The following ADK variants were observed in gnomAD, a reference collection of about 807,000 sequenced individuals.
The protein encoded by ADK is N6,N6-dimethyladenosine kinase.
A neutral mutation model predicts 44.7 loss-of-function variants in ADK; 24 were observed. That is an observed-to-expected ratio of 0.54 (90% CI 0.39 to 0.76). ADK has a LOEUF of 0.76. ADK is among the 30% of genes least tolerant of loss of function. The pLI, the probability that ADK is intolerant of heterozygous loss-of-function variation, is 0.00. For synonymous variants in ADK, 128 were observed against 142.6 expected, an observed-to-expected ratio of 0.90 and a Z score of 0.73; for missense variants, 321 against 425.1, an observed-to-expected ratio of 0.76 and a Z score of 2.15.
intron 1 of ADK, among the ~76,000 whole-genome samples, chr10:74,156,517 A>G (rs1841753740): frequency 6.6e-6 from 1 of 152,196 alleles, no homozygotes; most frequent in Admixed American, 6.5e-5. Flanking sequence ...CTGGAAGCTG[A>G]GGCACTGGCA....
At chr10:74,446,926 T>C (rs1425607154) in intron 6 of ADK, among the ~76,000 whole-genome samples, 1 of 152,174 alleles carries the variant, frequency 6.6e-6, no homozygotes, top group Admixed American at 6.6e-5. Flanking sequence ...GTTTTTATAA[T>C]GCTTTACCCA....
chr10:74,512,270 C>T (rs1848362357), intron 6 of ADK, among the ~76,000 whole-genome samples: 1 of 151,740 alleles, frequency 6.6e-6, no homozygotes, highest in Non-Finnish European at 1.5e-5. Context: ...TTTGTTTTGT[C>T]CTTATCTGTT....
intron 1 of ADK, among the ~76,000 whole-genome samples, chr10:74,190,366 G>C (rs1477052035): frequency 6.6e-6 from 1 of 152,212 alleles, no homozygotes; most frequent in Non-Finnish European, 1.5e-5. Context: ...TTCATGCTCA[G>C]TCAGTGGTGA....
chr10:74,478,399 A>T (rs183162463), intron 6 of ADK, among the ~76,000 whole-genome samples: 98 of 152,144 alleles, frequency 6.4e-4, no homozygotes, highest in East Asian at 2.5e-3. Flanking sequence ...TTTAAAAAAA[A>T]TTTTCATAGA....
intron 4 of ADK, among the ~76,000 whole-genome samples, chr10:74,380,189 T>C (rs575041415): frequency 6.6e-6 from 1 of 152,286 alleles, no homozygotes; most frequent in Admixed American, 6.5e-5. Context: ...TCCATGAAAA[T>C]AAGGACCAGC....
At chr10:74,301,970 G>T (rs1840047178) in intron 3 of ADK, among the ~76,000 whole-genome samples, 1 of 151,974 alleles carries the variant, frequency 6.6e-6, no homozygotes, top group Admixed American at 6.5e-5. Flanking sequence ...TATCAGCAGA[G>T]TGTGTCCTGT....
chr10:74,399,532 T>C (rs1194027190), intron 6 of ADK, among the ~76,000 whole-genome samples: 1 of 151,992 alleles, frequency 6.6e-6, no homozygotes, highest in Non-Finnish European at 1.5e-5. Flanking sequence ...AATGCTTACA[T>C]TGAGAAGATT....
intron 10 of ADK, among the ~76,000 whole-genome samples, chr10:74,693,826 A>G (rs1856074505): frequency 6.6e-6 from 1 of 152,186 alleles, no homozygotes; most frequent in Admixed American, 6.5e-5. Context: ...AAGAGTGACC[A>G]ATTTTATTCT....
chr10:74,537,149 C>T (rs1029400201), intron 7 of ADK, among the ~76,000 whole-genome samples: 3 of 152,156 alleles, frequency 2.0e-5, no homozygotes, highest in Admixed American at 6.5e-5. Flanking sequence ...CTGCTGGGCA[C>T]GAGGTGGCAT....
intron 6 of ADK, among the ~76,000 whole-genome samples, chr10:74,434,618 T>G (rs1845119558): frequency 6.6e-6 from 1 of 152,172 alleles, no homozygotes; most frequent in Non-Finnish European, 1.5e-5. Flanking sequence ...ACTTTTCTTA[T>G]AAAGGTTAAA....
chr10:74,208,413 C>A (rs945458460), intron 2 of ADK, among the ~76,000 whole-genome samples: 4 of 152,262 alleles, frequency 2.6e-5, no homozygotes, highest in Non-Finnish European at 5.9e-5. Flanking sequence ...ATCAATGACG[C>A]TGCTGGGAGC....
intron 1 of ADK, chr10:74,174,641 T>A (rs12415743): frequency 0.51 from 76,892 of 151,704 alleles, 20,454 homozygotes; most frequent in Non-Finnish European, 0.59. Context: ...AGCCAGTGTC[T>A]CCACCACTGT....
intron 6 of ADK, among the ~76,000 whole-genome samples, chr10:74,488,954 T>C (rs1424769503): frequency 1.3e-5 from 2 of 151,912 alleles, no homozygotes; most frequent in Admixed American, 1.3e-4. Flanking sequence ...AACAGGATAA[T>C]AATAATACAT....
chr10:74,595,398 G>T (rs371034647), intron 8 of ADK, among the ~76,000 whole-genome samples: 91,112 of 96,698 alleles, frequency 0.94, 44,105 homozygotes, highest in Non-Finnish European at 0.99. Flanking sequence ...TTTTTGGGGA[G>T]GGGGTTTGGC....
chr10:74,559,524 T>A lies in ADK; in HGVS notation c.727-29758T>A, dbSNP rs532124731. 1.6e-3 allele frequency among the ~76,000 whole-genome samples: 238 copies of A among 152,354 alleles called. 1 individual carries two copies. The highest frequency in any genetic ancestry group is 5.6e-3 in the African/African-American group (232 of 41,590). Reference sequence around the variant, plus strand: ...TGTAGTAATATGTCTTATGTACTTTTGTGTAAATAGTTCTATAGGCTCAAT... The same window carrying A: ...TGTAGTAATATGTCTTATGTACTTTAGTGTAAATAGTTCTATAGGCTCAAT... On this transcript the variant is annotated intron_variant, in intron 7 of 10. Transcript: ENST00000539909.
At chr10:74,187,981 G>A (rs1842817817) in intron 1 of ADK, among the ~76,000 whole-genome samples, 2 of 152,166 alleles carry the variant, frequency 1.3e-5, no homozygotes, top group Admixed American at 1.3e-4. Flanking sequence ...GTGCAGCCGT[G>A]TGGGCCTGGA....
chr10:74,425,488 T>C (rs559017599), intron 6 of ADK, among the ~76,000 whole-genome samples: 2 of 151,830 alleles, frequency 1.3e-5, no homozygotes, highest in South Asian at 4.2e-4. Context: ...AGTGTCCTGG[T>C]AAATATTTTA....
At chr10:74,159,108 A>G (rs1841827734) in intron 1 of ADK, among the ~76,000 whole-genome samples, 1 of 152,214 alleles carries the variant, frequency 6.6e-6, no homozygotes, top group Non-Finnish European at 1.5e-5. Context: ...TTGGCTTCGT[A>G]CCATTTCTTT....
At chr10:74,291,442 A>ACAG (rs1204561445) in intron 3 of ADK, among the ~76,000 whole-genome samples, 1 of 150,896 alleles carries the variant, frequency 6.6e-6, no homozygotes, top group African/African-American at 2.5e-5. Context: ...AACAACAACA[A>ACAG]TAACAACAAA....
Sources: allele counts gnomAD v4.1 joint callset (sites outside exome capture counted in the v4.1 genomes callset), GRCh38; gene constraint gnomAD v4.1.1; transcripts MANE v1.5; gene names NCBI Gene and HGNC (gene_info 2026-07-23, HGNC 2026-07-21).